The following CDH12 variants were observed in gnomAD, a reference collection of about 807,000 sequenced individuals.
The protein encoded by CDH12 is cadherin 12.
Under a neutral mutation model 74.1 loss-of-function variants are expected in CDH12, and 41 were observed. The observed-to-expected ratio is 0.55, with a 90% CI of 0.43 to 0.72. CDH12 has a LOEUF of 0.72. Ranked by LOEUF, CDH12 falls within the 30% of genes least tolerant of loss-of-function variation. The pLI is 0.00. For missense variants in CDH12, 945 were observed against 977.2 expected, an observed-to-expected ratio of 0.97 and a Z score of 0.44; for synonymous variants, 399 against 355.0, an observed-to-expected ratio of 1.12 and a Z score of -1.39.
At chr5:22,343,441 G>T (rs180795083) in intron 3 of CDH12, among the ~76,000 whole-genome samples, 2 of 151,616 alleles carry the variant, frequency 1.3e-5, no homozygotes, top group East Asian at 3.9e-4. Flanking sequence ...TTTTTGAGAC[G>T]GAGTCTCGCT....
At chr5:22,257,550 C>T (rs4441850) in intron 3 of CDH12, among the ~76,000 whole-genome samples, 53,045 of 151,252 alleles carry the variant, frequency 0.35, 9,681 homozygotes, top group East Asian at 0.49. Flanking sequence ...CCCAGCCTAG[C>T]GTGCAGTGGC....
intron 4 of CDH12, among the ~76,000 whole-genome samples, chr5:22,113,350 C>T (rs1046081689): frequency 1.3e-5 from 2 of 152,036 alleles, no homozygotes; most frequent in African/African-American, 2.4e-5. Flanking sequence ...AAAAGTCTAG[C>T]ACCTTTTCAA....
intron 1 of CDH12, among the ~76,000 whole-genome samples, chr5:22,599,824 G>A (rs1736771647): frequency 6.6e-6 from 1 of 151,982 alleles, no homozygotes; most frequent in African/African-American, 2.4e-5. Context: ...ATCATCTTTT[G>A]CCTTTAATCT....
intron 1 of CDH12, among the ~76,000 whole-genome samples, chr5:22,836,045 A>G (rs998376843): frequency 2.6e-5 from 4 of 152,086 alleles, no homozygotes; most frequent in Non-Finnish European, 4.4e-5. Context: ...TAGGAAGAGT[A>G]TGGTATGAAT....
intron 3 of CDH12, among the ~76,000 whole-genome samples, chr5:22,234,987 T>C (rs1000597849): frequency 2.0e-5 from 3 of 152,130 alleles, no homozygotes; most frequent in Admixed American, 2.0e-4. Flanking sequence ...ATACAGTTAG[T>C]TCATGGTGTG....
At chr5:22,358,823 T>C (rs892282775) in intron 3 of CDH12, among the ~76,000 whole-genome samples, 5 of 152,210 alleles carry the variant, frequency 3.3e-5, no homozygotes, top group African/African-American at 7.2e-5. Flanking sequence ...TTCACATTGA[T>C]TGATTCACTA....
chr5:22,718,731 G>A (rs893390862), intron 1 of CDH12, among the ~76,000 whole-genome samples: 8 of 152,234 alleles, frequency 5.3e-5, no homozygotes, highest in African/African-American at 1.9e-4. Flanking sequence ...AAAGGCCAGC[G>A]AGGCAGGCAT....
Position 22,733,907 on chromosome 5 carries a change from G to A in CDH12, c.-523+119151C>T, listed in dbSNP as rs181467531. ...TATCCTATAACCAAATAGAGAGTCT[G>A]CCCAGACTTACAGTTGTGAAGACTG... On this transcript the variant is annotated intron_variant, in intron 1 of 14. Transcript: ENST00000382254. 9.2e-5 allele frequency among the ~76,000 whole-genome samples: 14 copies of A among 151,908 alleles called. No individual in the cohort carries two copies. In the East Asian group the frequency reaches 2.7e-3, roughly 29 times the overall value.
chr5:21,755,861 A>G lies in CDH12; in HGVS notation c.1634-19T>C. 6.2e-7 allele frequency: 1 copy of G among 1,612,634 alleles called. No individual in the cohort carries two copies. Among genetic ancestry groups the G allele is most frequent in the Non-Finnish European group, 8.5e-7 (1 of 1,178,898 alleles). On this transcript the variant is annotated intron_variant, in intron 13 of 14. Transcript: ENST00000382254. ...GTGTTGTCTACAAAACATGACATTT[A>G]TGGTAACATGGTTACTATAAGCTTC...
chr5:22,571,216 C>T (rs753880864), intron 1 of CDH12, among the ~76,000 whole-genome samples: 5 of 152,102 alleles, frequency 3.3e-5, no homozygotes, highest in East Asian at 1.9e-4. Context: ...TAATTTCCTC[C>T]GAGAACTTTT....
chr5:21,956,191 G>A (rs1756087174), intron 6 of CDH12, among the ~76,000 whole-genome samples: 1 of 151,762 alleles, frequency 6.6e-6, no homozygotes, highest in Non-Finnish European at 1.5e-5. Context: ...CACCAGATTA[G>A]ATACCATTGA....
intron 2 of CDH12, among the ~76,000 whole-genome samples, chr5:22,420,676 C>G (rs1014711237): frequency 6.6e-6 from 1 of 151,912 alleles, no homozygotes; most frequent in East Asian, 1.9e-4. Context: ...GAATAAAATT[C>G]AAAATACTTT....
chr5:21,814,410 A>G (rs896982263), intron 9 of CDH12, among the ~76,000 whole-genome samples: 4 of 152,000 alleles, frequency 2.6e-5, no homozygotes, highest in Non-Finnish European at 5.9e-5. Flanking sequence ...AGTTGAACTT[A>G]CATAACTGAA....
At chr5:22,480,414 C>G (rs912162234) in intron 2 of CDH12, among the ~76,000 whole-genome samples, 5 of 151,526 alleles carry the variant, frequency 3.3e-5, no homozygotes, top group Non-Finnish European at 7.4e-5. Context: ...GAAACTTTGT[C>G]TCTACAAAAA....
At chr5:22,348,424 G>C (rs1252548794) in intron 3 of CDH12, among the ~76,000 whole-genome samples, 1 of 152,168 alleles carries the variant, frequency 6.6e-6, no homozygotes, top group Non-Finnish European at 1.5e-5. Context: ...TTTGATTAGA[G>C]TATAAAGAGC....
intron 5 of CDH12, among the ~76,000 whole-genome samples, chr5:22,000,849 C>A (rs182417545): frequency 1.3e-5 from 2 of 151,436 alleles, no homozygotes; most frequent in African/African-American, 4.9e-5. Flanking sequence ...CTATTCAGCT[C>A]GAAAAAAAGC....
At chr5:22,200,746 G>A (rs1451555576) in intron 4 of CDH12, among the ~76,000 whole-genome samples, 1 of 152,264 alleles carries the variant, frequency 6.6e-6, no homozygotes, top group Admixed American at 6.5e-5. Flanking sequence ...AGAAGCATTG[G>A]CTTATGAATA....
At chr5:22,756,860 T>C (rs1277948699) in intron 1 of CDH12, among the ~76,000 whole-genome samples, 4 of 151,652 alleles carry the variant, frequency 2.6e-5, no homozygotes, top group African/African-American at 9.7e-5. Context: ...CTCAGGAGGC[T>C]GAGACAGAGA....
chr5:22,715,231 A>C (rs1026026932), intron 1 of CDH12, among the ~76,000 whole-genome samples: 3 of 152,160 alleles, frequency 2.0e-5, no homozygotes, highest in Non-Finnish European at 2.9e-5. Flanking sequence ...CCATCTCTTT[A>C]GTTACTCTGA....
Sources: gnomAD v4.1 joint callset for allele counts (sites outside exome capture counted in the v4.1 genomes callset) on GRCh38, gnomAD v4.1.1 for gene constraint, MANE v1.5 for transcripts, NCBI Gene and HGNC (gene_info 2026-07-23, HGNC 2026-07-21) for gene names.